PRMT5: variants seen among roughly 807,000 people sequenced by gnomAD.
PRMT5 encodes protein arginine N-methyltransferase 5.
PRMT5 carries 15 observed loss-of-function variants against 84.0 expected under a neutral mutation model. The observed-to-expected ratio is 0.18, with a 90% CI of 0.12 to 0.28. The LOEUF (loss-of-function observed/expected upper bound fraction) is 0.28, where lower values mean the gene tolerates loss of function less well. PRMT5 is among the 10% of genes least tolerant of loss of function. The probability of loss-of-function intolerance (pLI) is 1.00; values close to 1 mark genes in which losing one functional copy is unlikely to be tolerated. For synonymous variants in PRMT5, 276 were observed against 292.4 expected (o/e 0.94, Z 0.57); for missense variants, 486 against 808.0 (o/e 0.60, Z 4.83).
chr14:22,921,683 G>C (rs891802964), intron 16 of PRMT5, among the ~76,000 whole-genome samples: 1 of 152,088 alleles, frequency 6.6e-6, no homozygotes, highest in Non-Finnish European at 1.5e-5. Flanking sequence ...AGGAGATCGA[G>C]ACCATCCTGG....
rs372861163 is a variant in PRMT5 at position 22,926,654 on chromosome 14, C to T, written c.563+48G>A. 4.9e-4 allele frequency: 789 copies of T among 1,600,894 alleles called. 6 individuals are homozygous for T. The highest frequency in any genetic ancestry group is 4.3e-3 in the South Asian group (394 of 90,808). On this transcript the variant is annotated intron_variant, in intron 5 of 16. Transcript: ENST00000324366. Reference sequence around the variant, plus strand: ...CCTACAGGTTGCACCCTGTACTTCCCCTCACCCTATCCCTTGCACCCTGGT... The same window carrying T: ...CCTACAGGTTGCACCCTGTACTTCCTCTCACCCTATCCCTTGCACCCTGGT...
chr14:22,928,494 TAC>T lies in PRMT5; in HGVS notation c.229+1_229+2del. The stretch of plus-strand genomic sequence containing the variant: ...ATTAAGGGGCATATGGGATGGTCCC[TAC>T]CCCTTCCTGACAGCAGTAGGTCTGA... On this transcript the variant is annotated splice_donor_variant, in intron 2 of 16. Transcript: ENST00000324366. LOFTEE classifies it high-confidence loss of function. The surrounding 1 kb of genome is among the most constrained non-coding windows in gnomAD (Gnocchi z 4.8). The T allele has an allele frequency of 6.2e-7, 1 of 1,602,470 alleles. No individual in the cohort carries two copies. Among genetic ancestry groups the T allele is most frequent in the Non-Finnish European group, 8.6e-7 (1 of 1,169,268 alleles).
At position 22,924,391 on chromosome 14, in the gene PRMT5, C is replaced by A; in HGVS notation, c.1078G>T (p.Val360Leu). The A allele has an allele frequency of 1.9e-6, 3 of 1,614,026 alleles. No homozygotes were observed. The highest frequency in any genetic ancestry group is 2.5e-6 in the Non-Finnish European group (3 of 1,180,020). The change falls in exon 11 of 17, where the codon GTA (valine) becomes TTA (leucine). Residue 360 changes from valine to leucine, a missense_variant and splice_region_variant. By Grantham distance (32) the Val-to-Leu change is conservative (BLOSUM62 1). Coordinates refer to ENST00000324366, the MANE Select transcript of PRMT5 (RefSeq NM_006109.5). The surrounding 1 kb of genome is among the most constrained non-coding windows in gnomAD (Gnocchi z 6.5). ...CGTCCTGCTCCCAGCACCATCAGTA[C>A]CCTAAGAAAGAAAGGGAAGAGTCAA... Reference protein sequence around the residue: ...PEEEKDTNVQVLMVLGAGRGP... With the variant: ...PEEEKDTNVQLLMVLGAGRGP...
intron 1 of PRMT5, 168 bp downstream of exon 1, chr14:22,929,079 GTTATT>G: frequency 6.5e-7 from 1 of 1,536,254 alleles, no homozygotes; most frequent in South Asian, 1.2e-5. Flanking sequence ...CCTCCCACAA[GTTATT>G]TTCCTCACGT....
rs1401020645 is a variant in PRMT5, at chr14:22,928,760, T to TG, written c.111-146dup. 9 of 723,432 alleles carry TG rather than the reference T, an allele frequency of 1.2e-5. No individual in the cohort carries two copies. The South Asian group carries it at 1.4e-4, about 11-fold the overall frequency. The allele number at this position is 723,432 out of a possible 1,614,324, so 44.8% of individuals were successfully genotyped here. ...CTAGGCTGCTGAGTTCAGACCACCT[T>TG]GGGGGATATCAACTCTGCTGTACTG... On this transcript the variant is annotated intron_variant, in intron 1 of 16. Coordinates refer to ENST00000324366, the MANE Select transcript of PRMT5 (RefSeq NM_006109.5). The surrounding 1 kb of genome is among the most constrained non-coding windows in gnomAD (Gnocchi z 4.8).
rs2044484905 is a variant in PRMT5 at position 22,928,885 on chromosome 14, T to C, written c.111-270A>G. 1.7e-6 allele frequency: 1 copy of C among 599,500 alleles called. No homozygotes were observed. 37.1% of individuals were successfully genotyped at this position (599,500 alleles called of 1,614,324 possible). A position where few individuals can be genotyped will look rare whatever the true frequency, so the allele number is the denominator to read the frequency against. ...ATTTTTTTCTCCTCAGGTGTCAGTA[T>C]GTTTCCAAGACCATCACATCCAGAT... is the stretch of plus-strand genomic sequence containing the variant. On this transcript the variant is annotated intron_variant, in intron 1 of 16. Coordinates refer to ENST00000324366, the MANE Select transcript of PRMT5 (RefSeq NM_006109.5). This position sits in a 1 kb window ranked among gnomAD's most constrained non-coding sequence, Gnocchi z 4.8.
In PRMT5 at chr14:22,922,171, C is replaced by T; in HGVS notation, c.1761+5G>A. On this transcript the variant is annotated splice_donor_5th_base_variant and intron_variant, in intron 16 of 16. Transcript: ENST00000324366. Reference sequence around the variant, plus strand: ...TAACTAGAGAGTCTTAAAAGCAGTTCCTACCTTAATAGGGAAGAGGATGGG... The same window carrying T: ...TAACTAGAGAGTCTTAAAAGCAGTTTCTACCTTAATAGGGAAGAGGATGGG... 1 of 1,562,488 alleles carries T rather than the reference C, an allele frequency of 6.4e-7. No individual in the cohort carries two copies.
At position 22,924,922 on chromosome 14, in the gene PRMT5, A is replaced by C; in HGVS notation, c.896T>G (p.Leu299Arg). Residue 299 changes from leucine (L) to arginine (R), a missense_variant, in exon 8 of 17, where the codon CTC becomes CGC. By Grantham distance (102) the Leu-to-Arg change is moderately radical (BLOSUM62 -2). Transcript: ENST00000324366. This position sits in a 1 kb window ranked among gnomAD's most constrained non-coding sequence, Gnocchi z 6.5. ...ATAGTCTTCATAGCCCTTGGCAAAG[A>C]GTTCATAGGCATTAGGTGGAGGACG... is the stretch of plus-strand genomic sequence containing the variant. ...QNRPPPNAYELFAKGYEDYLQ... is the reference protein window; with the variant it reads ...QNRPPPNAYERFAKGYEDYLQ... 6.2e-7 allele frequency: 1 copy of C among 1,614,170 alleles called. No homozygotes were observed. Among genetic ancestry groups the C allele is most frequent in the Non-Finnish European group, 8.5e-7 (1 of 1,180,040 alleles).
At chr14:22,929,021 A>T in intron 1 of PRMT5, 2 of 1,033,408 alleles carry the variant, frequency 1.9e-6, no homozygotes, top group Non-Finnish European at 2.9e-6. Context: ...AGGGCCCTTT[A>T]GAGTTTACCC....
rs2044371719 is a variant in PRMT5 at position 22,924,425 on chromosome 14, GGCATATACA to G, written c.1077-42_1077-34del. The G allele has an allele frequency of 6.2e-7, 1 of 1,613,914 alleles. No homozygotes were observed. The highest frequency in any genetic ancestry group is 8.5e-7 in the Non-Finnish European group (1 of 1,179,904). Reference sequence around the variant, plus strand: ...AGAAAGGGAAGAGTCAAGCAGACTTGGCATATACAGATATAGGTATGCAAGTCCCTGAGA... The same window carrying G: ...AGAAAGGGAAGAGTCAAGCAGACTTGGATATAGGTATGCAAGTCCCTGAGA... On this transcript the variant is annotated intron_variant, in intron 10 of 16. Transcript: ENST00000324366. This position sits in a 1 kb window ranked among gnomAD's most constrained non-coding sequence, Gnocchi z 6.5.
chr14:22,924,226 T>C lies in PRMT5; in HGVS notation c.1200-43A>G, dbSNP rs188781638. 34 of 1,611,916 alleles carry C rather than the reference T, an allele frequency of 2.1e-5. No homozygotes were observed. In the African/African-American group the frequency reaches 3.9e-4, roughly 18 times the overall value. On this transcript the variant is annotated intron_variant, in intron 11 of 16. Coordinates refer to ENST00000324366, the MANE Select transcript of PRMT5 (RefSeq NM_006109.5). The surrounding 1 kb of genome is among the most constrained non-coding windows in gnomAD (Gnocchi z 6.5). ...AGGTAAGGAGAGATGTTAAGGAAAT[T>C]TGGCAATGAGGACTAACTTCCCAGC... is the stretch of plus-strand genomic sequence containing the variant.
rs145906821 is a variant in PRMT5, at chr14:22,926,250, G to A, written c.660C>T (p.Arg220=). ...CTGCTTTGATGGGCTCCCCAAGCCA[G>A]CGATCAATGACATGATTAGATGGGA... ...ADLPSNHVID[R]WLGEPIKAAI... The change falls in exon 7 of 17, where the codon CGC becomes CGT. Residue 220 remains arginine (R), a synonymous_variant. Transcript: ENST00000324366. 6.2e-6 allele frequency: 10 copies of A among 1,613,896 alleles called. No homozygotes were observed. The highest frequency in any genetic ancestry group is 8.5e-6 in the Non-Finnish European group (10 of 1,179,852).
Position 22,928,704 on chromosome 14 carries a change from C to T in PRMT5, c.111-89G>A. On this transcript the variant is annotated intron_variant, in intron 1 of 16. Coordinates refer to ENST00000324366, the MANE Select transcript of PRMT5 (RefSeq NM_006109.5). This position sits in a 1 kb window ranked among gnomAD's most constrained non-coding sequence, Gnocchi z 4.8. ...GGATTTAGGCTATCTTGATTTTGCA[C>T]AGCCCTTTCAGCTGCCATCAGTTCA... is the stretch of plus-strand genomic sequence containing the variant. The T allele has an allele frequency of 9.8e-7, 1 of 1,022,356 alleles. No homozygotes were observed. Among genetic ancestry groups the T allele is most frequent in the Non-Finnish European group, 1.5e-6 (1 of 645,320 alleles). The allele number at this position is 1,022,356 out of a possible 1,614,324, so 63.3% of individuals were successfully genotyped here.
Position 22,927,669 on chromosome 14 carries a change from G to A in PRMT5, c.316-9C>T. On this transcript the variant is annotated splice_polypyrimidine_tract_variant and intron_variant, in intron 3 of 16. Transcript: ENST00000324366. ...AGCTCCTGTAACATGGCCTGGAACG[G>A]AGATGAAGAGGAAAAGTTTGAGCTA... The A allele has an allele frequency of 1.2e-6, 2 of 1,611,322 alleles. No homozygotes were observed. Among genetic ancestry groups the A allele is most frequent in the Non-Finnish European group, 1.7e-6 (2 of 1,179,016 alleles).
intron 16 of PRMT5, 169 bp downstream of exon 16, chr14:22,922,007 G>A (rs1486501130): frequency 4.5e-6 from 3 of 666,366 alleles, no homozygotes; most frequent in Non-Finnish European, 5.4e-6. Flanking sequence ...GGGAAAGCCA[G>A]GCAGAAGGCC....
chr14:22,925,105 T>C (rs994612147), intron 7 of PRMT5, 65 bp from the exon 8 acceptor site: 6 of 1,549,472 alleles, frequency 3.9e-6, no homozygotes, highest in African/African-American at 2.7e-5. Flanking sequence ...TTATGGTATA[T>C]GGCCAAAGAG....
At chr14:22,922,988 C>G (rs2044337942) in intron 13 of PRMT5, 63 bp downstream of exon 13, 1 of 1,450,550 alleles carries the variant, frequency 6.9e-7, no homozygotes, top group Non-Finnish European at 9.5e-7. Flanking sequence ...ATAGCTGATG[C>G]AAATACAGAA....
intron 14 of PRMT5, 62 bp downstream of exon 14, chr14:22,922,680 A>C (rs956636653): frequency 1.3e-6 from 2 of 1,548,390 alleles, no homozygotes; most frequent in African/African-American, 2.7e-5. Context: ...TAAGGGAAGA[A>C]AGCAGGAGGA....
chr14:22,926,785 T>C lies in PRMT5; in HGVS notation c.480A>G (p.Pro160=). ...CAATTATATCATCTCTCAGGTCCTCTGGTGCCACCAAGGGTACCCGCATCC... is the reference window on the plus strand; with the variant it reads ...CAATTATATCATCTCTCAGGTCCTCCGGTGCCACCAAGGGTACCCGCATCC... ...MFWMRVPLVA[P]EDLRDDIIEN... is the part of the protein sequence containing the mutation. The change falls in exon 5 of 17, where the codon CCA becomes CCG. Residue 160 remains proline, a synonymous_variant. Transcript: ENST00000324366. 1 of 1,614,086 alleles carries C rather than the reference T, an allele frequency of 6.2e-7. No homozygotes were observed. The highest frequency in any genetic ancestry group is 8.5e-7 in the Non-Finnish European group (1 of 1,179,924).
Sources: allele counts gnomAD v4.1 joint callset (sites outside exome capture counted in the v4.1 genomes callset), GRCh38; gene constraint gnomAD v4.1.1; non-coding constraint Gnocchi (gnomAD v3.1); transcripts MANE v1.5; gene names NCBI Gene and HGNC (gene_info 2026-07-23, HGNC 2026-07-21).